IQSEC1: variants seen among roughly 807,000 people sequenced by gnomAD.
IQSEC1 encodes IQ motif and SEC7 domain-containing protein 1.
Under a neutral mutation model 91.0 loss-of-function variants are expected in IQSEC1, and 31 were observed. The ratio of observed to expected loss-of-function variants is 0.34; its 90% CI spans 0.26 to 0.46. The LOEUF is 0.46. Ranked by LOEUF, IQSEC1 falls within the 20% of genes least tolerant of loss-of-function variation. The pLI is 1.00. For missense variants in IQSEC1, 1,388 were observed against 1,575.6 expected (o/e 0.88, Z 2.02); for synonymous variants, 699 against 662.6 (o/e 1.05, Z -0.84).
intron 1 of IQSEC1, among the ~76,000 whole-genome samples, chr3:12,964,985 G>A (rs1449681946): frequency 6.6e-6 from 1 of 152,156 alleles, no homozygotes; most frequent in African/African-American, 2.4e-5. Flanking sequence ...GTAAATATTA[G>A]CGCAACCAGT....
chr3:13,206,922 AGAAGGTGGGCCCC>A (rs1694355605), intron 1 of IQSEC1, among the ~76,000 whole-genome samples: 1 of 152,038 alleles, frequency 6.6e-6, no homozygotes, highest in South Asian at 2.1e-4. Flanking sequence ...AGTAGGAGGG[AGAAGGTGGGCCCC>A]GAAGCAGCCT....
chr3:13,020,245 G>A (rs1703337621), intron 1 of IQSEC1, among the ~76,000 whole-genome samples: 1 of 152,170 alleles, frequency 6.6e-6, no homozygotes, highest in Non-Finnish European at 1.5e-5. Context: ...GTCTATCCCG[G>A]GGTCTGGGGC....
At chr3:13,256,229 G>T (rs1336659627) in intron 1 of IQSEC1, among the ~76,000 whole-genome samples, 1 of 152,202 alleles carries the variant, frequency 6.6e-6, no homozygotes, top group Non-Finnish European at 1.5e-5. Context: ...TGCACACTGA[G>T]TGTCAGGTGC....
At chr3:12,989,767 C>T (rs914384102) in intron 1 of IQSEC1, among the ~76,000 whole-genome samples, 8 of 152,166 alleles carry the variant, frequency 5.3e-5, no homozygotes, top group Non-Finnish European at 1.0e-4. Context: ...AGTGTTTTTC[C>T]GGTCTCTTCC....
At chr3:13,067,466 A>G (rs1288177702) in intron 1 of IQSEC1, among the ~76,000 whole-genome samples, 1 of 152,266 alleles carries the variant, frequency 6.6e-6, no homozygotes, top group Non-Finnish European at 1.5e-5. Context: ...CAGGACAAGC[A>G]GGCTGGGGGC....
intron 13 of IQSEC1, 51 bp from the exon 14 acceptor site, chr3:12,901,573 G>T: frequency 7.0e-7 from 1 of 1,435,288 alleles, no homozygotes; most frequent in Non-Finnish European, 9.4e-7. Flanking sequence ...CAAGCACTTA[G>T]GTCAGAATGA....
At chr3:13,221,211 G>A (rs2125074921) in intron 1 of IQSEC1, among the ~76,000 whole-genome samples, 1 of 152,320 alleles carries the variant, frequency 6.6e-6, no homozygotes, top group East Asian at 1.9e-4. Context: ...CCTGGTCACG[G>A]TGGGGTGCCT....
intron 2 of IQSEC1, among the ~76,000 whole-genome samples, chr3:13,105,041 A>G (rs1047817977): frequency 5.3e-5 from 8 of 152,228 alleles, no homozygotes; most frequent in African/African-American, 1.9e-4. Flanking sequence ...CTTTTAAAAC[A>G]CATGCTGCAG....
chr3:12,998,446 T>C (rs1702301661), intron 1 of IQSEC1, among the ~76,000 whole-genome samples: 1 of 152,114 alleles, frequency 6.6e-6, no homozygotes. Context: ...CAAGATATTT[T>C]GGTAGGTGCA....
At chr3:13,165,576 G>C (rs1020062943) in intron 1 of IQSEC1, among the ~76,000 whole-genome samples, 1 of 141,698 alleles carries the variant, frequency 7.1e-6, no homozygotes, top group Non-Finnish European at 1.5e-5. Flanking sequence ...GTGTGTGTGT[G>C]TGTGTCTGTC....
intron 1 of IQSEC1, among the ~76,000 whole-genome samples, chr3:13,265,228 A>G (rs891704405): frequency 6.6e-6 from 1 of 152,174 alleles, no homozygotes; most frequent in South Asian, 2.1e-4. Flanking sequence ...CACCACAGCT[A>G]GATGCTGCCC....
At chr3:13,206,993 GC>G (rs1465239827) in intron 1 of IQSEC1, among the ~76,000 whole-genome samples, 7 of 152,028 alleles carry the variant, frequency 4.6e-5, no homozygotes, top group Admixed American at 4.6e-4. Flanking sequence ...GGCACCTCCC[GC>G]CTCCTGGTTA....
intron 2 of IQSEC1, among the ~76,000 whole-genome samples, chr3:13,080,276 G>A (rs1559250933): frequency 6.6e-6 from 1 of 152,180 alleles, no homozygotes; most frequent in East Asian, 1.9e-4. Context: ...GGGAAGAGGT[G>A]GAGGCCTGCA....
chr3:12,944,383 C>T (rs1216826038), intron 1 of IQSEC1, among the ~76,000 whole-genome samples: 3 of 152,226 alleles, frequency 2.0e-5, no homozygotes, highest in Admixed American at 1.3e-4. Context: ...AATGAGTCCC[C>T]ATCTCAGACT....
chr3:13,073,588 C>A (rs1705508427), upstream of IQSEC1, among the ~76,000 whole-genome samples: 1 of 151,960 alleles, frequency 6.6e-6, no homozygotes, highest in African/African-American at 2.4e-5. Context: ...AGTCACACAC[C>A]CGGCGGGGCG....
intron 1 of IQSEC1, among the ~76,000 whole-genome samples, chr3:13,171,208 T>C (rs1693603736): frequency 6.6e-6 from 1 of 152,188 alleles, no homozygotes; most frequent in African/African-American, 2.4e-5. Context: ...GGGCCTCAAA[T>C]GCACCATCTC....
chr3:13,192,778 C>A (rs1243934942), intron 1 of IQSEC1, among the ~76,000 whole-genome samples: 1 of 152,268 alleles, frequency 6.6e-6, no homozygotes, highest in Non-Finnish European at 1.5e-5. Context: ...TTCCCACAGG[C>A]CCTGTGTGTC....
intron 3 of IQSEC1, among the ~76,000 whole-genome samples, chr3:12,932,136 A>G (rs1559637747): frequency 6.6e-6 from 1 of 152,184 alleles, no homozygotes; most frequent in Non-Finnish European, 1.5e-5. Flanking sequence ...TGTACCCCTG[A>G]CGGTGTGTAC....
intron 1 of IQSEC1, among the ~76,000 whole-genome samples, chr3:13,032,994 C>G (rs547926831): frequency 7.9e-5 from 12 of 152,342 alleles, no homozygotes; most frequent in African/African-American, 2.2e-4. Flanking sequence ...ACTGCAGTGC[C>G]TTTGGAAATG....
Sources: allele counts gnomAD v4.1 joint callset (sites outside exome capture counted in the v4.1 genomes callset), GRCh38; gene constraint gnomAD v4.1.1; transcripts MANE v1.5; gene names NCBI Gene and HGNC (gene_info 2026-07-23, HGNC 2026-07-21).